CCL28: variants seen among roughly 807,000 people sequenced by gnomAD.
CCL28 encodes the protein C-C motif chemokine ligand 28.
CCL28 carries 4 observed loss-of-function variants against 7.1 expected under a neutral mutation model. The observed-to-expected ratio is 0.56, with a 90% CI of 0.28 to 1.29. The LOEUF (loss-of-function observed/expected upper bound fraction) is 1.29, where lower values mean the gene tolerates loss of function less well. CCL28 is among the 50% of genes most tolerant of loss of function. CCL28 has a pLI of 0.11. For synonymous variants in CCL28, 55 were observed against 57.8 expected, an observed-to-expected ratio of 0.95 and a Z score of 0.22; for missense variants, 151 against 163.4, an observed-to-expected ratio of 0.92 and a Z score of 0.41.
intron 1 of CCL28, among the ~76,000 whole-genome samples, chr5:43,407,091 C>T (rs926580575): frequency 3.9e-5 from 6 of 152,158 alleles, no homozygotes; most frequent in African/African-American, 1.4e-4. Flanking sequence ...GATTCAGTGC[C>T]ATCCCCATGA....
At chr5:43,377,016 T>G (rs1319842661), downstream of CCL28, 3 of 152,106 alleles carry the variant, frequency 2.0e-5, no homozygotes, top group Admixed American at 1.3e-4. Context: ...GCCAAACAAC[T>G]ATGAGGAAGG....
intron 1 of CCL28, among the ~76,000 whole-genome samples, chr5:43,403,868 A>C (rs1741149965): frequency 6.6e-6 from 1 of 152,248 alleles, no homozygotes; most frequent in Admixed American, 6.5e-5. Context: ...CGAATGCAGA[A>C]GCCTCAGTAG....
intron 1 of CCL28, 21 bp downstream of exon 1, chr5:43,412,232 G>A (rs1456337933): frequency 6.2e-7 from 1 of 1,601,812 alleles, no homozygotes; most frequent in East Asian, 2.2e-5. Flanking sequence ...GAAGGCCTAA[G>A]TGTCCAGTGC....
chr5:43,374,579 A>G (rs1260567064), downstream of CCL28, among the ~76,000 whole-genome samples: 1 of 152,094 alleles, frequency 6.6e-6, no homozygotes, highest in Non-Finnish European at 1.5e-5. Context: ...TCAGAAGTTC[A>G]AGACCAGCCT....
chr5:43,407,158 A>G (rs898539611), intron 1 of CCL28, among the ~76,000 whole-genome samples: 2 of 152,234 alleles, frequency 1.3e-5, no homozygotes, highest in African/African-American at 4.8e-5. Context: ...CTTCATATGG[A>G]ACCAAAAAGG....
the CCL28 span, among the ~76,000 whole-genome samples, chr5:43,369,036 A>AAGAGAGAGAG: frequency 2.6e-4 from 27 of 104,524 alleles, no homozygotes; most frequent in South Asian, 8.2e-4. Flanking sequence ...GAAAGAGAGA[A>AAGAGAGAGAG]AGAGAGAGAG....
At chr5:43,368,012 T>C in the CCL28 span, among the ~76,000 whole-genome samples, 1 of 152,162 alleles carries the variant, frequency 6.6e-6, no homozygotes, top group African/African-American at 2.4e-5. Flanking sequence ...GGGTATGTGA[T>C]GGGGTGCAGT....
At chr5:43,361,827 C>G in the CCL28 span, among the ~76,000 whole-genome samples, 1 of 149,550 alleles carries the variant, frequency 6.7e-6, no homozygotes, top group Non-Finnish European at 1.5e-5. Flanking sequence ...TTTCTGGGCT[C>G]TCTATTCTGT....
At chr5:43,400,988 CAGG>C (rs1402314257) in intron 1 of CCL28, among the ~76,000 whole-genome samples, 1 of 150,538 alleles carries the variant, frequency 6.6e-6, no homozygotes, top group Non-Finnish European at 1.5e-5. Context: ...GAGGCTGAGA[CAGG>C]AGAATCACTT....
At chr5:43,394,405 A>T (rs1332988763) in intron 1 of CCL28, among the ~76,000 whole-genome samples, 1 of 152,222 alleles carries the variant, frequency 6.6e-6, no homozygotes, top group African/African-American at 2.4e-5. Context: ...TACAACTAAG[A>T]TCTGAAATAT....
At chr5:43,390,222 C>T (rs920552332) in intron 1 of CCL28, among the ~76,000 whole-genome samples, 3 of 152,136 alleles carry the variant, frequency 2.0e-5, no homozygotes, top group Non-Finnish European at 4.4e-5. Context: ...CAAAGACCAC[C>T]TTGGTCAGGT....
chr5:43,389,990 C>A (rs892609193), intron 1 of CCL28, among the ~76,000 whole-genome samples: 4 of 152,160 alleles, frequency 2.6e-5, no homozygotes, highest in Admixed American at 6.5e-5. Flanking sequence ...CAGAATAGTT[C>A]CATTTTTAAA....
chr5:43,389,311 CTACATTTATTAA>C (rs1740470943), intron 1 of CCL28, among the ~76,000 whole-genome samples: 1 of 152,164 alleles, frequency 6.6e-6, no homozygotes, highest in Non-Finnish European at 1.5e-5. Flanking sequence ...CTGGTTGTTC[CTACATTTATTAA>C]TGCATTTATT....
At chr5:43,396,037 A>C (rs1416168804) in intron 1 of CCL28, among the ~76,000 whole-genome samples, 2 of 151,638 alleles carry the variant, frequency 1.3e-5, no homozygotes, top group Admixed American at 6.6e-5. Flanking sequence ...ACACCCGGCT[A>C]ATTTTTGTAT....
chr5:43,392,655 A>G (rs1166242231), intron 1 of CCL28, among the ~76,000 whole-genome samples: 1 of 152,174 alleles, frequency 6.6e-6, no homozygotes, highest in Non-Finnish European at 1.5e-5. Flanking sequence ...ACAACTTTTC[A>G]TAATGTCGTT....
In CCL28 at chr5:43,380,227, G is replaced by C. The variant is rs1740053905; in HGVS notation, c.*1633C>G. 6.6e-6 allele frequency: 1 copy of C among 152,116 alleles called. No homozygotes were observed. The highest frequency in any genetic ancestry group is 2.4e-5 in the African/African-American group (1 of 41,414). The allele number at this position is 152,116 out of a possible 1,614,324, so 9.4% of individuals were successfully genotyped here. ...AGAGCGTAAAATCACCACACAGAAG[G>C]CCGAACTCTGGGCCCCTAACTAGTG... On this transcript the variant is annotated 3_prime_UTR_variant, in exon 3 of 3. Coordinates refer to ENST00000361115, the MANE Select transcript of CCL28 (RefSeq NM_148672.3).
At chr5:43,369,975 C>G in the CCL28 span, among the ~76,000 whole-genome samples, 4 of 152,168 alleles carry the variant, frequency 2.6e-5, no homozygotes, top group African/African-American at 9.7e-5. Context: ...GGAAAAGACT[C>G]TGAGATATGG....
chr5:43,390,669 C>G (rs938827511), intron 1 of CCL28, among the ~76,000 whole-genome samples: 1 of 152,232 alleles, frequency 6.6e-6, no homozygotes, highest in Non-Finnish European at 1.5e-5. Flanking sequence ...AGAGGAACCA[C>G]AAAACTGGGA....
chr5:43,389,268 C>T (rs573057184), intron 1 of CCL28, among the ~76,000 whole-genome samples: 23 of 152,312 alleles, frequency 1.5e-4, no homozygotes, highest in African/African-American at 5.3e-4. Context: ...GAATTTTATA[C>T]TTTAAAATGG....
Sources: allele counts gnomAD v4.1 joint callset (sites outside exome capture counted in the v4.1 genomes callset), GRCh38; gene constraint gnomAD v4.1.1; transcripts MANE v1.5; gene names NCBI Gene and HGNC (gene_info 2026-07-23, HGNC 2026-07-21).